Variants in CAPZB observed in about 807,000 individuals in gnomAD.
CAPZB encodes capping actin protein of muscle Z-line subunit beta.
Under a neutral mutation model 38.1 loss-of-function variants are expected in CAPZB, and 2 were observed. That is an observed-to-expected ratio of 0.05 (90% confidence interval 0.02 to 0.17). The LOEUF is 0.17. Ranked by LOEUF, CAPZB falls within the 10% of genes least tolerant of loss-of-function variation. The pLI, the probability that CAPZB is intolerant of heterozygous loss-of-function variation, is 1.00. For missense variants in CAPZB, 161 were observed against 334.2 expected (o/e 0.48, Z 4.04); for synonymous variants, 107 against 127.4 (o/e 0.84, Z 1.08).
chr1:19,474,407 C>T (rs1206537402), intron 1 of CAPZB, among the ~76,000 whole-genome samples: 1 of 152,160 alleles, frequency 6.6e-6, no homozygotes, highest in Non-Finnish European at 1.5e-5. Flanking sequence ...TAGGTTCAAG[C>T]CCGCACAGTT....
intron 4 of CAPZB, among the ~76,000 whole-genome samples, chr1:19,367,892 T>G (rs538611859): frequency 6.6e-6 from 1 of 152,314 alleles, no homozygotes; most frequent in East Asian, 1.9e-4. Context: ...GATCTGGTTT[T>G]GGGATCTGGC....
rs898380011 is a variant in CAPZB at position 19,462,394 on chromosome 1, C to T, written c.3+23042G>A. On this transcript the variant is annotated intron_variant, in intron 1 of 8. Transcript: ENST00000264202. ...AATGGCGTGAACCTGGGAGGCGGAG[C>T]TTGCAGTGAGCTGAGATCGTGCCAC... Among the ~76,000 whole-genome samples the T allele has an allele frequency of 7.3e-5, 11 of 151,446 alleles. No homozygotes were observed. In the South Asian group the frequency reaches 2.1e-3, roughly 29 times the overall value.
intron 2 of CAPZB, among the ~76,000 whole-genome samples, chr1:19,388,656 A>T (rs1309479506): frequency 2.0e-5 from 3 of 152,220 alleles, no homozygotes; most frequent in Non-Finnish European, 4.4e-5. Flanking sequence ...ATTTTTTATT[A>T]ACATATGACC....
At chr1:19,367,910 T>C (rs2094098883) in intron 4 of CAPZB, among the ~76,000 whole-genome samples, 1 of 152,120 alleles carries the variant, frequency 6.6e-6, no homozygotes, top group Admixed American at 6.5e-5. Flanking sequence ...GGCCAAACTG[T>C]CCACACTTGG....
intron 2 of CAPZB, among the ~76,000 whole-genome samples, chr1:19,413,512 T>C (rs537415067): frequency 6.6e-6 from 1 of 152,164 alleles, no homozygotes; most frequent in Non-Finnish European, 1.5e-5. Flanking sequence ...TTTTTAATTT[T>C]TAGTAGAGAT....
intron 3 of CAPZB, among the ~76,000 whole-genome samples, chr1:19,380,377 C>G (rs982530564): frequency 2.0e-5 from 3 of 152,216 alleles, no homozygotes; most frequent in Non-Finnish European, 4.4e-5. Flanking sequence ...GGTGAGACAC[C>G]CCCTGCTGCC....
chr1:19,370,977 G>A (rs2094116814), intron 4 of CAPZB, among the ~76,000 whole-genome samples: 3 of 152,186 alleles, frequency 2.0e-5, no homozygotes, highest in Admixed American at 6.5e-5. Flanking sequence ...GGGAGGGACT[G>A]GGCCTGACAC....
At position 19,389,505 on chromosome 1, in the gene CAPZB, G is replaced by A. The variant is rs545793352; in HGVS notation, c.94-3879C>T. 2.0e-4 allele frequency among the ~76,000 whole-genome samples: 30 copies of A among 152,092 alleles called. No homozygotes were observed. In the East Asian group the frequency reaches 5.6e-3, roughly 28 times the overall value. On this transcript the variant is annotated intron_variant, in intron 2 of 8. Transcript: ENST00000264202. The stretch of plus-strand genomic sequence containing the variant: ...TGCAGTGGCGCGATCTCGGCTCACT[G>A]CAAGCTCCGCCTCCCAGGTTCATGC...
intron 1 of CAPZB, among the ~76,000 whole-genome samples, chr1:19,426,545 C>A (rs1370993385): frequency 6.6e-6 from 1 of 152,098 alleles, no homozygotes; most frequent in Non-Finnish European, 1.5e-5. Flanking sequence ...TGTGAGCCCA[C>A]AAGAGACAAC....
At chr1:19,485,287 G>A (rs2094647290) in intron 1 of CAPZB, 149 bp downstream of exon 1, 2 of 469,602 alleles carry the variant, frequency 4.3e-6, no homozygotes, top group Admixed American at 8.9e-5. Flanking sequence ...CCTCCTGGGC[G>A]GGGAGGGACC....
rs2094030129 is a variant in CAPZB, at chr1:19,357,837, C to A, written c.330-274G>T. ...GTGGTCTTTGGCTTACTGAACCTCT[C>A]TGGGCGTCACACTCCTCCCAGATAA... On this transcript the variant is annotated intron_variant, in intron 4 of 8. Coordinates refer to ENST00000264202, the MANE Select transcript of CAPZB (RefSeq NM_004930.5). The surrounding 1 kb of genome is among the most constrained non-coding windows in gnomAD (Gnocchi z 4.3). Among the ~76,000 whole-genome samples, 1 of 152,166 alleles carries A rather than the reference C, an allele frequency of 6.6e-6. No individual in the cohort carries two copies. The highest frequency in any genetic ancestry group is 1.5e-5 in the Non-Finnish European group (1 of 68,026).
Position 19,357,712 on chromosome 1 carries a change from C to T in CAPZB, c.330-149G>A. On this transcript the variant is annotated intron_variant, in intron 4 of 8. Transcript: ENST00000264202. This position sits in a 1 kb window ranked among gnomAD's most constrained non-coding sequence, Gnocchi z 4.3. ...GATCCTTGGGTGTGTTCTGATCGTT[C>T]TGTGGCTGGGGGAGGGGGTGCAGCA... The T allele has an allele frequency of 1.4e-6, 1 of 693,802 alleles. No homozygotes were observed. The highest frequency in any genetic ancestry group is 3.7e-4 in the Middle Eastern group (1 of 2,702). The allele number at this position is 693,802 out of a possible 1,614,324, so 43.0% of individuals were successfully genotyped here.
intron 1 of CAPZB, chr1:19,484,647 G>A (rs1368044502): frequency 1.4e-5 from 16 of 1,169,284 alleles, no homozygotes; most frequent in South Asian, 1.2e-4. Flanking sequence ...CAAAGAAGGC[G>A]CGCCCCAGGT....
chr1:19,345,093 A>C, intron 7 of CAPZB, 94 bp downstream of exon 7: 1 of 939,026 alleles, frequency 1.1e-6, no homozygotes, highest in South Asian at 1.3e-5. Flanking sequence ...GCTGAGAGAA[A>C]GCAGCAGAGA....
intron 1 of CAPZB, chr1:19,484,152 C>T (rs11802524): frequency 6.3e-7 from 1 of 1,594,128 alleles, no homozygotes; most frequent in Middle Eastern, 1.7e-4. Flanking sequence ...ACAAACACCA[C>T]GAGCGGAGCC....
intron 1 of CAPZB, among the ~76,000 whole-genome samples, chr1:19,447,835 C>A (rs2100678937): frequency 6.6e-6 from 1 of 152,352 alleles, no homozygotes. Flanking sequence ...CTCTCTGATG[C>A]ACTGGTACTA....
intron 2 of CAPZB, among the ~76,000 whole-genome samples, chr1:19,403,062 A>AC (rs2094311804): frequency 6.6e-6 from 1 of 151,246 alleles, no homozygotes; most frequent in African/African-American, 2.4e-5. Flanking sequence ...AAACAAAACA[A>AC]AAAAAAAGAA....
intron 1 of CAPZB, among the ~76,000 whole-genome samples, chr1:19,435,816 G>C (rs1269098208): frequency 6.6e-6 from 1 of 152,146 alleles, no homozygotes; most frequent in Non-Finnish European, 1.5e-5. Context: ...CAGCAGCTGG[G>C]CCACCTGTGC....
At chr1:19,452,950 C>T (rs2094521548) in intron 1 of CAPZB, among the ~76,000 whole-genome samples, 1 of 151,826 alleles carries the variant, frequency 6.6e-6, no homozygotes, top group Non-Finnish European at 1.5e-5. Context: ...ATTATAGGCA[C>T]CTGTCACCAT....
Sources: allele counts gnomAD v4.1 joint callset (sites outside exome capture counted in the v4.1 genomes callset), GRCh38; gene constraint gnomAD v4.1.1; non-coding constraint Gnocchi (gnomAD v3.1); transcripts MANE v1.5; gene names NCBI Gene and HGNC (gene_info 2026-07-23, HGNC 2026-07-21).